The following SSUH2 variants were observed in gnomAD, a reference collection of about 807,000 sequenced individuals.
The protein encoded by SSUH2 is protein SSUH2 homolog.
Under a neutral mutation model 55.3 loss-of-function variants are expected in SSUH2, and 47 were observed. The ratio of observed to expected loss-of-function variants is 0.85; its 90% CI spans 0.67 to 1.08. SSUH2 has a LOEUF of 1.08. SSUH2 is among the 50% of genes least tolerant of loss of function. SSUH2 has a pLI of 0.00. For missense variants in SSUH2, 535 were observed against 490.7 expected (o/e 1.09, Z -0.85); for synonymous variants, 212 against 191.5 (o/e 1.11, Z -0.89).
chr3:8,634,172 A>C, intron 3 of SSUH2: 2 of 616,180 alleles, frequency 3.2e-6, no homozygotes. Context: ...CAGGCTAAAT[A>C]AGGCTCCTGC....
intron 3 of SSUH2, among the ~76,000 whole-genome samples, chr3:8,674,900 C>A (rs1002842122): frequency 6.6e-6 from 1 of 152,038 alleles, no homozygotes; most frequent in Non-Finnish European, 1.5e-5. Flanking sequence ...TGGGATTGGC[C>A]AGTTAAGACT....
intron 3 of SSUH2, chr3:8,634,353 C>G: frequency 7.8e-7 from 1 of 1,281,588 alleles, no homozygotes; most frequent in South Asian, 1.2e-5. Flanking sequence ...CATGCCTCCC[C>G]CTCCTCCTGG....
At chr3:8,677,499 C>A (rs1473662183) in intron 2 of SSUH2, 6 of 150,850 alleles carry the variant, frequency 4.0e-5, no homozygotes, top group African/African-American at 1.5e-4. Flanking sequence ...GGGATCCCAA[C>A]AACAGCAAGT....
At chr3:8,634,107 G>C (rs1170842889) in intron 3 of SSUH2, 5 of 762,512 alleles carry the variant, frequency 6.6e-6, no homozygotes, top group African/African-American at 3.5e-5. Flanking sequence ...CCATTTTATA[G>C]ATAAGAAAAA....
intron 7 of SSUH2, among the ~76,000 whole-genome samples, chr3:8,628,333 A>G (rs1048745200): frequency 1.3e-5 from 2 of 152,100 alleles, no homozygotes; most frequent in Non-Finnish European, 2.9e-5. Flanking sequence ...TGGCCAAAGG[A>G]TGAGGCTCGA....
chr3:8,680,710 C>G (rs998174916), intron 1 of SSUH2, among the ~76,000 whole-genome samples: 25 of 152,000 alleles, frequency 1.6e-4, no homozygotes, highest in African/African-American at 5.6e-4. Flanking sequence ...TCACCCCCTC[C>G]GCCTTGGTAT....
intron 7 of SSUH2, 161 bp downstream of exon 7, chr3:8,629,503 T>C (rs1017168561): frequency 3.2e-6 from 2 of 627,916 alleles, no homozygotes; most frequent in African/African-American, 3.7e-5. Flanking sequence ...CACTTTTTCA[T>C]TTTATAGACG....
chr3:8,628,576 G>A (rs1698081339), intron 7 of SSUH2, among the ~76,000 whole-genome samples: 1 of 152,214 alleles, frequency 6.6e-6, no homozygotes, highest in South Asian at 2.1e-4. Context: ...ATATGACAAG[G>A]TAGGGCCTAA....
chr3:8,674,641 A>G lies in SSUH2; in HGVS notation c.-753+2565T>C, dbSNP rs553689760. 1.1e-3 allele frequency among the ~76,000 whole-genome samples: 167 copies of G among 152,278 alleles called. 1 individual carries two copies. Among genetic ancestry groups the G allele is most frequent in the African/African-American group, 3.5e-3 (146 of 41,554 alleles). On this transcript the variant is annotated intron_variant, in intron 3 of 18. Coordinates refer to the SSUH2 transcript ENST00000317371. ...ACTGTAGGAGGACATCAAGTCATTC[A>G]TCAGTTTTGGTACATGCCTGACTGT...
rs138046663 is a variant in SSUH2, at chr3:8,637,596, C to T, written c.29-1739G>A. ...AGAGCAGGACAGAGGTCCCAGAGGC[C>T]TCTGAAACAAGAGGTCTAGTTCCAG... is the stretch of plus-strand genomic sequence containing the variant. On this transcript the variant is annotated intron_variant, in intron 1 of 11. Transcript: ENST00000544814. Among the ~76,000 whole-genome samples, 175 of 152,316 alleles carry T rather than the reference C, an allele frequency of 1.1e-3. 3 individuals are homozygous for T. The East Asian group carries it at 0.026, about 23-fold the overall frequency.
At chr3:8,639,920 G>A (rs1042236894) in intron 1 of SSUH2, 6 of 970,712 alleles carry the variant, frequency 6.2e-6, no homozygotes, top group African/African-American at 5.3e-5. Flanking sequence ...ACAGGCACAC[G>A]TAAGTGTTAG....
chr3:8,644,480 G>A (rs1351601381), intron 1 of SSUH2, among the ~76,000 whole-genome samples: 1 of 152,148 alleles, frequency 6.6e-6, no homozygotes, highest in East Asian at 1.9e-4. Context: ...AGAAGAGATC[G>A]CAAGCTACAG....
At chr3:8,673,198 T>C (rs1704806907) in intron 3 of SSUH2, among the ~76,000 whole-genome samples, 1 of 152,162 alleles carries the variant, frequency 6.6e-6, no homozygotes, top group South Asian at 2.1e-4. Flanking sequence ...TTAATATTAA[T>C]CATTTATTGT....
At chr3:8,660,059 C>T (rs1158506721) in intron 6 of SSUH2, among the ~76,000 whole-genome samples, 1 of 152,224 alleles carries the variant, frequency 6.6e-6, no homozygotes, top group East Asian at 1.9e-4. Context: ...CGGGTCCCAA[C>T]AGGGAAGCTA....
intron 5 of SSUH2, among the ~76,000 whole-genome samples, chr3:8,667,118 G>A (rs1352758938): frequency 6.6e-6 from 1 of 152,194 alleles, no homozygotes; most frequent in Admixed American, 6.5e-5. Flanking sequence ...GTAAAGGGGT[G>A]GCTACTCCAT....
At position 8,619,804 on chromosome 3, in the gene SSUH2, A is replaced by T; in HGVS notation, c.*64T>A. The T allele has an allele frequency of 3.2e-6, 5 of 1,561,552 alleles. No homozygotes were observed. Among genetic ancestry groups the T allele is most frequent in the Non-Finnish European group, 4.4e-6 (5 of 1,144,880 alleles). Reference sequence around the variant, plus strand: ...AATGCAGCCAACAGTGAACACACTCAGAGAGTGTCGGCCATCTTCCTTGGC... The same window carrying T: ...AATGCAGCCAACAGTGAACACACTCTGAGAGTGTCGGCCATCTTCCTTGGC... On this transcript the variant is annotated 3_prime_UTR_variant, in exon 12 of 12. Transcript: ENST00000544814.
chr3:8,621,712 C>T lies in SSUH2; in HGVS notation c.982-1698G>A, dbSNP rs1358340265. ...CCGGTGACTGAGTTTTCTTCATATG[C>T]CAGAAACTGGAATCCAAATGACAAT... On this transcript the variant is annotated intron_variant, in intron 11 of 11. Coordinates refer to ENST00000544814, the MANE Select transcript of SSUH2 (RefSeq NM_001256748.3). Among the ~76,000 whole-genome samples, 3 of 152,106 alleles carry T rather than the reference C, an allele frequency of 2.0e-5. No homozygotes were observed. In the East Asian group the frequency reaches 5.8e-4, roughly 29 times the overall value.
intron 7 of SSUH2, 82 bp from the exon 8 acceptor site, chr3:8,627,865 C>T: frequency 1.5e-6 from 2 of 1,302,146 alleles, no homozygotes; most frequent in South Asian, 2.9e-5. Context: ...GTTCAAATCC[C>T]AGCCTGGTGA....
chr3:8,647,640 C>T (rs144018585), upstream of SSUH2, among the ~76,000 whole-genome samples: 11 of 152,294 alleles, frequency 7.2e-5, no homozygotes, highest in Middle Eastern at 3.4e-3. Flanking sequence ...TCCTGCTGGA[C>T]GAAGGTCTCA....
Sources: gnomAD v4.1 joint callset for allele counts (sites outside exome capture counted in the v4.1 genomes callset) on GRCh38, gnomAD v4.1.1 for gene constraint, MANE v1.5 for transcripts, NCBI Gene and HGNC (gene_info 2026-07-23, HGNC 2026-07-21) for gene names.